Variants in ADGRA1 observed in about 807,000 individuals in gnomAD.
ADGRA1 encodes G-protein coupled receptor 123.
ADGRA1 carries 12 observed loss-of-function variants against 21.3 expected under a neutral mutation model. That is an observed-to-expected ratio of 0.56 (90% CI 0.36 to 0.91). The LOEUF is 0.91. Ranked by LOEUF, ADGRA1 falls within the 40% of genes least tolerant of loss-of-function variation. The probability of loss-of-function intolerance (pLI) is 0.01; values close to 1 mark genes in which losing one functional copy is unlikely to be tolerated. For missense variants in ADGRA1, 790 were observed against 805.6 expected (o/e 0.98, Z 0.23); for synonymous variants, 385 against 368.8 (o/e 1.04, Z -0.50).
rs142899952 is a variant in ADGRA1, at chr10:133,121,261, T to G, written c.402-5972T>G. 4.8e-4 allele frequency among the ~76,000 whole-genome samples: 73 copies of G among 152,370 alleles called. No individual in the cohort carries two copies. In the East Asian group the frequency reaches 4.8e-3, roughly 10 times the overall value. On this transcript the variant is annotated intron_variant, in intron 5 of 6. Coordinates refer to ENST00000392607, the MANE Select transcript of ADGRA1 (RefSeq NM_001083909.3). ...GTTGGAAAAATGGCGCTGATGGACT[T>G]GCTCAACCCGGGGTTCCCACAGCCT...
At chr10:133,088,594 C>T in intron 1 of ADGRA1, 114 bp from the exon 2 acceptor site, 1 of 602,488 alleles carries the variant, frequency 1.7e-6, no homozygotes, top group Non-Finnish European at 2.3e-6. Context: ...CCAGGCCGCC[C>T]GCGGAGGGGA....
At position 133,096,371 on chromosome 10, in the gene ADGRA1, C is replaced by A. The variant is rs527827709; in HGVS notation, c.4-603C>A. 2.0e-5 allele frequency among the ~76,000 whole-genome samples: 3 copies of A among 152,372 alleles called. No individual in the cohort carries two copies. In the East Asian group the frequency reaches 5.8e-4, roughly 29 times the overall value. ...ACTCTGCCACAGAGAACACACATTCCCCTTTGAACTCTGACCCTGAACCCT... is the reference window on the plus strand; with the variant it reads ...ACTCTGCCACAGAGAACACACATTCACCTTTGAACTCTGACCCTGAACCCT... On this transcript the variant is annotated intron_variant, in intron 2 of 6. Transcript: ENST00000392607.
intron 2 of ADGRA1, 59 bp downstream of exon 2, chr10:133,088,971 G>A (rs976484364): frequency 2.4e-6 from 3 of 1,235,428 alleles, no homozygotes; most frequent in Non-Finnish European, 2.0e-6. Flanking sequence ...CGGGGGGGCG[G>A]CCACCCGTAT....
chr10:133,094,413 C>T (rs1370778682), intron 2 of ADGRA1, among the ~76,000 whole-genome samples: 3 of 152,256 alleles, frequency 2.0e-5, no homozygotes, highest in African/African-American at 4.8e-5. Context: ...ACACACTTTC[C>T]TGGCTGCCAT....
chr10:133,097,712 G>C (rs868070313), intron 3 of ADGRA1, among the ~76,000 whole-genome samples: 1 of 152,198 alleles, frequency 6.6e-6, no homozygotes. Context: ...AGCAGAACAC[G>C]GGGGCCTCGA....
At chr10:133,105,401 G>A (rs1407500210) in intron 5 of ADGRA1, among the ~76,000 whole-genome samples, 2 of 152,094 alleles carry the variant, frequency 1.3e-5, no homozygotes, top group Admixed American at 6.5e-5. Flanking sequence ...ACAAGAAAAC[G>A]GCTGTCCCCG....
At position 133,114,459 on chromosome 10, in the gene ADGRA1, C is replaced by T. The variant is rs117959737; in HGVS notation, c.401+11617C>T. Among the ~76,000 whole-genome samples the T allele has an allele frequency of 1.9e-4, 29 of 152,262 alleles. No homozygotes were observed. The East Asian group carries it at 2.7e-3, about 14-fold the overall frequency. On this transcript the variant is annotated intron_variant, in intron 5 of 6. Transcript: ENST00000392607. ...TGTCTGGAGCTGGGCATTGTGGTGCCGTCTGCAGGGTACAGCTGGTGCCCA... is the reference window on the plus strand; with the variant it reads ...TGTCTGGAGCTGGGCATTGTGGTGCTGTCTGCAGGGTACAGCTGGTGCCCA...
intron 3 of ADGRA1, among the ~76,000 whole-genome samples, chr10:133,098,214 G>A (rs1439284633): frequency 1.3e-5 from 2 of 152,256 alleles, no homozygotes; most frequent in Non-Finnish European, 1.5e-5. Context: ...CTATAGCCGG[G>A]GTCACGCTGA....
In ADGRA1 at chr10:133,097,098, A is replaced by C; in HGVS notation, c.128A>C (p.Gln43Pro). Residue 43 changes from glutamine (Q) to proline (P), a missense_variant, in exon 3 of 7, where the codon CAG becomes CCG. Transcript: ENST00000392607. ...TCCTTCGTCACCTACATCGTGCACC[A>C]GAGGTGAGCCTGGCATGGGCAAGGG... ...LASFVTYIVH[Q>P]SAIRISRKGR... 1 of 1,605,162 alleles carries C rather than the reference A, an allele frequency of 6.2e-7. No individual in the cohort carries two copies. Among genetic ancestry groups the C allele is most frequent in the Non-Finnish European group, 8.5e-7 (1 of 1,179,944 alleles).
Position 133,109,673 on chromosome 10 carries a change from G to A in ADGRA1, c.401+6831G>A, listed in dbSNP as rs947548548. Among the ~76,000 whole-genome samples the A allele has an allele frequency of 5.3e-5, 8 of 152,128 alleles. No homozygotes were observed. In the South Asian group the frequency reaches 8.3e-4, roughly 16 times the overall value. ...CTGTCCCCTGACCTCTCCTCCCCTC[G>A]ATGACAATGACGGGAAGGTCCCTCC... On this transcript the variant is annotated intron_variant, in intron 5 of 6. Coordinates refer to ENST00000392607, the MANE Select transcript of ADGRA1 (RefSeq NM_001083909.3).
At chr10:133,111,221 G>GGA (rs1851993175) in intron 5 of ADGRA1, among the ~76,000 whole-genome samples, 1 of 90,964 alleles carries the variant, frequency 1.1e-5, no homozygotes, top group Non-Finnish European at 2.0e-5. Context: ...CCCACCACAG[G>GGA]CACCTCCCTC....
At chr10:133,122,844 C>CGTCCCCAGGCACACGT (rs1564853888) in intron 5 of ADGRA1, among the ~76,000 whole-genome samples, 1 of 151,962 alleles carries the variant, frequency 6.6e-6, no homozygotes, top group African/African-American at 2.4e-5. Flanking sequence ...CAGGCACACG[C>CGTCCCCAGGCACACGT]GTCCCCAGGC....
chr10:133,089,038 G>T, intron 2 of ADGRA1, 126 bp downstream of exon 2: 1 of 1,234,224 alleles, frequency 8.1e-7, no homozygotes. Context: ...GGGCTTCCGG[G>T]CTCAGTGCCG....
At chr10:133,125,968 G>C (rs1365968409) in intron 5 of ADGRA1, among the ~76,000 whole-genome samples, 1 of 152,218 alleles carries the variant, frequency 6.6e-6, no homozygotes, top group East Asian at 1.9e-4. Context: ...GAAAGAGGGA[G>C]GAAATTAAGA....
rs781659972 is a variant in ADGRA1 at position 133,128,630 on chromosome 10, G to A, written c.802G>A (p.Ala268Thr). The A allele has an allele frequency of 1.2e-6, 2 of 1,606,576 alleles. No homozygotes were observed. Residue 268 changes from alanine to threonine, a missense_variant, in exon 7 of 7, where the codon GCC becomes ACC. Ala to Thr is a moderately conservative substitution (Grantham distance 58). Transcript: ENST00000392607. ...CGCCTTCACGCTGTTCCTGTTCACG[G>A]CCACGTGGGCCTTCGGGGCGCTGGC... ...AAAFTLFLFT[A>T]TWAFGALAVS...
chr10:133,106,654 G>A (rs561126927), intron 5 of ADGRA1, among the ~76,000 whole-genome samples: 5 of 152,264 alleles, frequency 3.3e-5, no homozygotes, highest in East Asian at 1.9e-4. Context: ...TGGCTTCCCC[G>A]CATCGGGGGT....
In ADGRA1 at chr10:133,129,225, C is replaced by G; in HGVS notation, c.1397C>G (p.Thr466Arg). Residue 466 changes from threonine to arginine, a missense_variant, in exon 7 of 7, where the codon ACA becomes AGA. Physicochemically the swap from Thr to Arg is moderately conservative, Grantham distance 71. Transcript: ENST00000392607. ...AGCTCTCTGGATGGCCCGGCGGGGA[C>G]ACACACGCTGGCCTGCTGCACCCAG... ...PPSSLDGPAG[T>R]HTLACCTQGD... 2.6e-6 allele frequency: 4 copies of G among 1,549,828 alleles called. No homozygotes were observed. Among genetic ancestry groups the G allele is most frequent in the Non-Finnish European group, 3.5e-6 (4 of 1,146,930 alleles).
rs765581145 is a variant in ADGRA1 at position 133,097,001 on chromosome 10, C to T, written c.31C>T (p.Arg11Cys). 1 of 1,613,500 alleles carries T rather than the reference C, an allele frequency of 6.2e-7. No individual in the cohort carries two copies. Among genetic ancestry groups the T allele is most frequent in the Non-Finnish European group, 8.5e-7 (1 of 1,179,834 alleles). The change falls in exon 3 of 7, where the codon CGC becomes TGC. Residue 11 changes from arginine to cysteine, a missense_variant. By Grantham distance (180) the Arg-to-Cys change is radical (BLOSUM62 -3). Around this residue, in one of 3 missense-constraint regions of ADGRA1, gnomAD observed 382 missense variants for 415.6 expected, o/e 0.92. Transcript: ENST00000392607. ...TCTGAAGACAGTGCTCTCCCTGCCC[C>T]GCTACCCAGGGGAGTTCCTGCACCC... MDLKTVLSLPRYPGEFLHPVV... is the reference protein window; with the variant it reads MDLKTVLSLPCYPGEFLHPVV...
intron 2 of ADGRA1, 200 bp downstream of exon 2, chr10:133,089,112 C>T (rs903153223): frequency 1.0e-6 from 1 of 991,834 alleles, no homozygotes; most frequent in Non-Finnish European, 1.3e-6. Flanking sequence ...CTCTGCTCCC[C>T]GCGTGCTGGG....
Sources: gnomAD v4.1 joint callset for allele counts (sites outside exome capture counted in the v4.1 genomes callset) on GRCh38, gnomAD v4.1.1 for gene constraint, gnomAD v4.1.1 regional missense constraint, MANE v1.5 for transcripts, NCBI Gene and HGNC (gene_info 2026-07-23, HGNC 2026-07-21) for gene names.